Variants in ALPK2 observed in about 807,000 individuals in gnomAD.
The protein encoded by ALPK2 is alpha kinase 2.
In ALPK2, 127 loss-of-function variants were observed where a neutral mutation model predicts 163.1. That is an observed-to-expected ratio of 0.78 (90% CI 0.67 to 0.90). The LOEUF (loss-of-function observed/expected upper bound fraction) is 0.90, where lower values mean the gene tolerates loss of function less well. Among genes scored for constraint, ALPK2 ranks in the 40% least tolerant of loss-of-function variants. The pLI, the probability that ALPK2 is intolerant of heterozygous loss-of-function variation, is 0.00. For missense variants in ALPK2, 2,360 were observed against 2,589.6 expected (o/e 0.91, Z 1.92); for synonymous variants, 953 against 959.1 (o/e 0.99, Z 0.12).
intron 4 of ALPK2, among the ~76,000 whole-genome samples, chr18:58,560,667 AGG>A (rs1440288270): frequency 6.6e-6 from 1 of 152,190 alleles, no homozygotes; most frequent in African/African-American, 2.4e-5. Context: ...ACATATTCAC[AGG>A]TTCTGAGAAT....
chr18:58,622,271 C>T (rs1027248923), intron 1 of ALPK2, among the ~76,000 whole-genome samples: 3 of 151,964 alleles, frequency 2.0e-5, no homozygotes, highest in Non-Finnish European at 2.9e-5. Flanking sequence ...TGCTTGAGCC[C>T]GGGAGATGGA....
chr18:58,504,392 T>C (rs1412399922), intron 10 of ALPK2, among the ~76,000 whole-genome samples: 1 of 152,228 alleles, frequency 6.6e-6, no homozygotes, highest in Non-Finnish European at 1.5e-5. Flanking sequence ...AATGTCTTCA[T>C]TGTAGTCATA....
intron 3 of ALPK2, among the ~76,000 whole-genome samples, chr18:58,581,677 A>G (rs556983681): frequency 3.9e-5 from 6 of 152,318 alleles, no homozygotes; most frequent in African/African-American, 1.4e-4. Context: ...TGTGTTTTGT[A>G]TGTTGCACCC....
intron 1 of ALPK2, 93 bp from the exon 2 acceptor site, chr18:58,611,910 C>G: frequency 1.4e-6 from 1 of 739,792 alleles, no homozygotes; most frequent in Admixed American, 3.0e-5. Context: ...GCCGCCCTGG[C>G]AGCTCACTGC....
At position 58,535,558 on chromosome 18, in the gene ALPK2, A is replaced by G. The variant is rs1158689853; in HGVS notation, c.4629T>C (p.Ser1543=). Residue 1543 remains serine (S), a synonymous_variant, in exon 5 of 13, where the codon AGT becomes AGC. Coordinates refer to ENST00000361673, the MANE Select transcript of ALPK2 (RefSeq NM_052947.4). ...ELISPTSPLS[S]CLPIMTHASL... ...AAGCGTGAGTCATTATTGGAAGACA[A>G]CTAGAAAGAGGTGAAGTGGGGGAAA... 8 of 1,614,108 alleles carry G rather than the reference A, an allele frequency of 5.0e-6. No homozygotes were observed. The African/African-American group carries it at 9.3e-5, about 19-fold the overall frequency.
intron 1 of ALPK2, among the ~76,000 whole-genome samples, chr18:58,620,568 A>G (rs1490383658): frequency 6.6e-6 from 1 of 152,234 alleles, no homozygotes; most frequent in African/African-American, 2.4e-5. Flanking sequence ...GGTGATGGCA[A>G]TCTTCTAAAA....
chr18:58,620,753 C>T (rs766927221), intron 1 of ALPK2, among the ~76,000 whole-genome samples: 12 of 152,138 alleles, frequency 7.9e-5, no homozygotes, highest in Non-Finnish European at 1.6e-4. Context: ...AAATTCACTG[C>T]GGCGTTGCCT....
intron 10 of ALPK2, among the ~76,000 whole-genome samples, chr18:58,510,697 G>T (rs940566662): frequency 2.0e-5 from 3 of 152,094 alleles, no homozygotes; most frequent in Non-Finnish European, 4.4e-5. Flanking sequence ...TTCTGTTATT[G>T]GTGTATAAGA....
At chr18:58,609,801 A>G (rs2052118112) in intron 2 of ALPK2, among the ~76,000 whole-genome samples, 1 of 152,212 alleles carries the variant, frequency 6.6e-6, no homozygotes, top group African/African-American at 2.4e-5. Flanking sequence ...TTTCAGAAGT[A>G]TCTGGGCGAG....
intron 4 of ALPK2, among the ~76,000 whole-genome samples, chr18:58,564,743 C>G (rs2051842924): frequency 6.6e-6 from 1 of 151,830 alleles, no homozygotes; most frequent in South Asian, 2.1e-4. Flanking sequence ...GAAAGAGGCC[C>G]AAAGAGAGGA....
intron 1 of ALPK2, among the ~76,000 whole-genome samples, chr18:58,624,695 C>G (rs967663323): frequency 1.3e-5 from 2 of 152,132 alleles, no homozygotes; most frequent in African/African-American, 2.4e-5. Context: ...CTCAAGTGAT[C>G]CACCCACCTT....
rs922908751 is a variant in ALPK2, at chr18:58,623,854, A to T, written c.-21+4910T>A. Among the ~76,000 whole-genome samples the T allele has an allele frequency of 7.9e-5, 12 of 151,862 alleles. No individual in the cohort carries two copies. The South Asian group carries it at 2.1e-3, about 26-fold the overall frequency. On this transcript the variant is annotated intron_variant, in intron 1 of 12. Coordinates refer to ENST00000361673, the MANE Select transcript of ALPK2 (RefSeq NM_052947.4). ...TGAACTTTAAAGCATGCCCATCCTA[A>T]TTTTTTTTTAAATTTTTTCTGGCTT...
chr18:58,489,987 A>G (rs2051364528), intron 12 of ALPK2, among the ~76,000 whole-genome samples: 1 of 152,062 alleles, frequency 6.6e-6, no homozygotes, highest in Non-Finnish European at 1.5e-5. Context: ...AGGCTGAGGC[A>G]GGAGAATCGC....
intron 4 of ALPK2, among the ~76,000 whole-genome samples, chr18:58,562,262 A>T (rs1400493684): frequency 6.6e-6 from 1 of 152,254 alleles, no homozygotes; most frequent in African/African-American, 2.4e-5. Flanking sequence ...TGATGGCAAC[A>T]CTTCTGTTTC....
chr18:58,619,109 C>G lies in ALPK2; in HGVS notation c.-20-7292G>C, dbSNP rs79446379. Among the ~76,000 whole-genome samples the G allele has an allele frequency of 2.6e-5, 4 of 152,216 alleles. 1 individual carries two copies. The South Asian group carries it at 8.3e-4, about 32-fold the overall frequency. On this transcript the variant is annotated intron_variant, in intron 1 of 12. Coordinates refer to ENST00000361673, the MANE Select transcript of ALPK2 (RefSeq NM_052947.4). Reference sequence around the variant, plus strand: ...ACCCAGTCCCGTGTTAGTTAGGGAACCTTATCCAAAGATGGTTTCTGTAAA... The same window carrying G: ...ACCCAGTCCCGTGTTAGTTAGGGAAGCTTATCCAAAGATGGTTTCTGTAAA...
At chr18:58,534,527 C>T (rs999723731) in intron 5 of ALPK2, among the ~76,000 whole-genome samples, 3 of 152,218 alleles carry the variant, frequency 2.0e-5, no homozygotes, top group African/African-American at 7.2e-5. Flanking sequence ...TCACATTCCC[C>T]TCCAACAGAC....
chr18:58,597,941 G>T (rs968452514), intron 3 of ALPK2, among the ~76,000 whole-genome samples: 2 of 152,212 alleles, frequency 1.3e-5, no homozygotes, highest in Non-Finnish European at 2.9e-5. Context: ...TAGTGAGAAG[G>T]CAGCTTCTGC....
At chr18:58,620,008 C>T (rs569148075) in intron 1 of ALPK2, among the ~76,000 whole-genome samples, 1 of 152,188 alleles carries the variant, frequency 6.6e-6, no homozygotes, top group South Asian at 2.1e-4. Flanking sequence ...ACTATGGATA[C>T]GGTGGGGCGC....
intron 4 of ALPK2, among the ~76,000 whole-genome samples, chr18:58,563,895 A>T (rs1468442993): frequency 2.6e-5 from 4 of 152,100 alleles, no homozygotes; most frequent in Admixed American, 6.6e-5. Context: ...ATGTTAAAGG[A>T]TTAGTAAATA....
Sources: gnomAD v4.1 joint callset for allele counts (sites outside exome capture counted in the v4.1 genomes callset) on GRCh38, gnomAD v4.1.1 for gene constraint, MANE v1.5 for transcripts, NCBI Gene and HGNC (gene_info 2026-07-23, HGNC 2026-07-21) for gene names.